Variants in CHCHD3 observed in about 807,000 individuals in gnomAD.
The protein encoded by CHCHD3 is MICOS complex subunit MIC19.
Under a neutral mutation model 38.2 loss-of-function variants are expected in CHCHD3, and 20 were observed. The ratio of observed to expected loss-of-function variants is 0.52; its 90% CI spans 0.37 to 0.76. The LOEUF is 0.76. Ranked by LOEUF, CHCHD3 falls within the 30% of genes least tolerant of loss-of-function variation. The probability of loss-of-function intolerance (pLI) is 0.00; values close to 1 mark genes in which losing one functional copy is unlikely to be tolerated. For missense variants in CHCHD3, 245 were observed against 279.2 expected (o/e 0.88, Z 0.87); for synonymous variants, 82 against 100.0 (o/e 0.82, Z 1.07).
chr7:132,987,008 C>T (rs1001704672), intron 3 of CHCHD3, among the ~76,000 whole-genome samples: 2 of 152,092 alleles, frequency 1.3e-5, no homozygotes, highest in East Asian at 3.9e-4. Context: ...AATGATTTGT[C>T]CCTGAAATCA....
intron 4 of CHCHD3, among the ~76,000 whole-genome samples, chr7:132,931,065 C>T (rs1437754452): frequency 6.6e-6 from 1 of 152,158 alleles, no homozygotes; most frequent in African/African-American, 2.4e-5. Context: ...ACAGCACTCA[C>T]CACATAGAGG....
chr7:132,939,156 C>G (rs1321400201), intron 4 of CHCHD3, among the ~76,000 whole-genome samples: 2 of 152,048 alleles, frequency 1.3e-5, no homozygotes, highest in African/African-American at 2.4e-5. Context: ...TGAACATTTC[C>G]TATCACACAG....
Position 133,040,674 on chromosome 7 carries a change from C to T in CHCHD3, c.170-16047G>A, listed in dbSNP as rs116309990. 8.8e-3 allele frequency among the ~76,000 whole-genome samples: 1,343 copies of T among 152,190 alleles called. 20 individuals are homozygous for T. The highest frequency in any genetic ancestry group is 0.031 in the African/African-American group (1,276 of 41,508). ...ACAAGCATCTTGCTGTGGTTACTTC[C>T]TCGGATTCACTCTCTTATGAAGATC... is the stretch of plus-strand genomic sequence containing the variant. On this transcript the variant is annotated intron_variant, in intron 2 of 7. Transcript: ENST00000262570.
intron 6 of CHCHD3, among the ~76,000 whole-genome samples, chr7:132,810,460 C>T (rs771401586): frequency 3.5e-4 from 54 of 152,222 alleles, no homozygotes; most frequent in Admixed American, 1.3e-3. Flanking sequence ...ATTATATAAA[C>T]GGATTTAAGC....
chr7:133,060,504 T>C (rs1040374881), intron 2 of CHCHD3, among the ~76,000 whole-genome samples: 1 of 152,148 alleles, frequency 6.6e-6, no homozygotes, highest in Non-Finnish European at 1.5e-5. Flanking sequence ...GGCAGGGATC[T>C]GAACAATGAG....
intron 4 of CHCHD3, among the ~76,000 whole-genome samples, chr7:132,898,795 G>A (rs914278566): frequency 5.9e-5 from 9 of 152,224 alleles, no homozygotes; most frequent in East Asian, 3.9e-4. Flanking sequence ...GCGCAGCGCC[G>A]GTGGGCTGGC....
At chr7:132,819,709 T>A (rs960639178) in intron 6 of CHCHD3, among the ~76,000 whole-genome samples, 1 of 152,142 alleles carries the variant, frequency 6.6e-6, no homozygotes, top group Non-Finnish European at 1.5e-5. Flanking sequence ...TATGGCTTTT[T>A]AGTAGGAAGG....
intron 4 of CHCHD3, among the ~76,000 whole-genome samples, chr7:132,924,330 A>G (rs1810326015): frequency 6.6e-6 from 1 of 152,232 alleles, no homozygotes; most frequent in Non-Finnish European, 1.5e-5. Flanking sequence ...TATGACACAC[A>G]TACATAAATC....
In CHCHD3 at chr7:132,850,518, C is replaced by T. The variant is rs572540569; in HGVS notation, c.454-12049G>A. On this transcript the variant is annotated intron_variant, in intron 5 of 7. Transcript: ENST00000262570. The stretch of plus-strand genomic sequence containing the variant: ...AATCCTAGATTCATTGACAGCCCTG[C>T]CACTACACAAGGAAAACCTTAGTTA... 4.0e-5 allele frequency among the ~76,000 whole-genome samples: 6 copies of T among 151,002 alleles called. No homozygotes were observed. The South Asian group carries it at 1.3e-3, about 32-fold the overall frequency.
At chr7:133,057,834 T>A (rs556016800) in intron 2 of CHCHD3, among the ~76,000 whole-genome samples, 1 of 152,200 alleles carries the variant, frequency 6.6e-6, no homozygotes, top group East Asian at 1.9e-4. Context: ...ATACATATAT[T>A]TAATTTTCTT....
chr7:133,051,981 T>C (rs1814182573), intron 2 of CHCHD3: 1 of 152,198 alleles, frequency 6.6e-6, no homozygotes, highest in African/African-American at 2.4e-5. Flanking sequence ...TAAAGAAACA[T>C]ACCCAAGGTA....
chr7:132,910,451 A>G (rs1472338082), intron 4 of CHCHD3, among the ~76,000 whole-genome samples: 2 of 152,174 alleles, frequency 1.3e-5, no homozygotes, highest in Non-Finnish European at 1.5e-5. Flanking sequence ...TAACTTTCTT[A>G]TACTAATAAA....
At chr7:132,885,800 C>T (rs756576483) in intron 4 of CHCHD3, 55 bp from the exon 5 acceptor site, 7 of 1,289,094 alleles carry the variant, frequency 5.4e-6, no homozygotes, top group Non-Finnish European at 6.4e-6. Flanking sequence ...AACAGCAAAG[C>T]AAAAGTCAAG....
intron 4 of CHCHD3, among the ~76,000 whole-genome samples, chr7:132,957,991 C>G (rs1811224347): frequency 6.6e-6 from 1 of 152,152 alleles, no homozygotes; most frequent in South Asian, 2.1e-4. Flanking sequence ...CAAATTATTG[C>G]TTTAAAATAA....
intron 4 of CHCHD3, among the ~76,000 whole-genome samples, chr7:132,933,329 C>T (rs575060667): frequency 1.3e-5 from 2 of 152,108 alleles, no homozygotes; most frequent in East Asian, 1.9e-4. Flanking sequence ...GAAGGGGCCA[C>T]GTGATTTCTG....
intron 4 of CHCHD3, among the ~76,000 whole-genome samples, chr7:132,898,787 G>A (rs540788037): frequency 9.5e-4 from 145 of 152,340 alleles, no homozygotes; most frequent in Non-Finnish European, 1.5e-3. Flanking sequence ...GAAATCGAGC[G>A]CAGCGCCGGT....
chr7:132,819,289 T>C (rs533983364), intron 6 of CHCHD3, among the ~76,000 whole-genome samples: 1 of 152,352 alleles, frequency 6.6e-6, no homozygotes, highest in African/African-American at 2.4e-5. Context: ...TTCAGAGCTA[T>C]ATTAGATCCC....
intron 3 of CHCHD3, among the ~76,000 whole-genome samples, chr7:132,984,577 G>T (rs2117353170): frequency 6.9e-6 from 1 of 145,768 alleles, no homozygotes; most frequent in South Asian, 2.2e-4. Context: ...TGGAAAGTGA[G>T]GAGCGTCTCT....
intron 3 of CHCHD3, among the ~76,000 whole-genome samples, chr7:132,992,075 C>G (rs915242022): frequency 2.0e-5 from 3 of 152,092 alleles, no homozygotes; most frequent in East Asian, 3.9e-4. Flanking sequence ...TAGCTGGGTC[C>G]CTACTAGGAC....
Sources: gnomAD v4.1 joint callset for allele counts (sites outside exome capture counted in the v4.1 genomes callset) on GRCh38, gnomAD v4.1.1 for gene constraint, MANE v1.5 for transcripts, NCBI Gene and HGNC (gene_info 2026-07-23, HGNC 2026-07-21) for gene names.